Variants in NTRK2 observed in about 807,000 individuals in gnomAD.
The protein encoded by NTRK2 is BDNF/NT-3 growth factors receptor.
NTRK2 carries 13 observed loss-of-function variants against 94.5 expected under a neutral mutation model. That is an observed-to-expected ratio of 0.14 (90% confidence interval 0.09 to 0.22). The LOEUF (loss-of-function observed/expected upper bound fraction) is 0.22. NTRK2 is among the 10% of genes least tolerant of loss of function. The pLI is 1.00. For missense variants in NTRK2, 639 were observed against 1,071.2 expected, an observed-to-expected ratio of 0.60 and a Z score of 5.63; for synonymous variants, 372 against 407.4, an observed-to-expected ratio of 0.91 and a Z score of 1.05.
intron 12 of NTRK2, among the ~76,000 whole-genome samples, chr9:84,847,281 G>T (rs2074518596): frequency 6.6e-6 from 1 of 152,154 alleles, no homozygotes; most frequent in African/African-American, 2.4e-5. Context: ...CTGGCCTCTG[G>T]GGATGCAGAA....
chr9:84,688,777 C>CA (rs1466961077), intron 2 of NTRK2, among the ~76,000 whole-genome samples: 1 of 152,230 alleles, frequency 6.6e-6, no homozygotes, highest in African/African-American at 2.4e-5. Context: ...TTCCTTTCCT[C>CA]ACGATGTCTT....
intron 14 of NTRK2, among the ~76,000 whole-genome samples, chr9:84,918,852 C>T (rs1203216337): frequency 1.3e-5 from 2 of 152,194 alleles, no homozygotes; most frequent in Non-Finnish European, 2.9e-5. Flanking sequence ...ATTAATGCAA[C>T]AACCTTCTAG....
chr9:84,721,232 A>G (rs1049296968), intron 6 of NTRK2, among the ~76,000 whole-genome samples: 7 of 151,658 alleles, frequency 4.6e-5, no homozygotes, highest in African/African-American at 9.7e-5. Flanking sequence ...CTGAAGTGCA[A>G]TGGCGCGAGC....
Position 84,999,118 on chromosome 9 carries a change from T to C in NTRK2, c.2173-21088T>C, listed in dbSNP as rs894655545. Reference sequence around the variant, plus strand: ...CACTTATGTCACTTATGTATATGCATAGGAGGATGAGGTTAAACACCAAGC... The same window carrying C: ...CACTTATGTCACTTATGTATATGCACAGGAGGATGAGGTTAAACACCAAGC... On this transcript the variant is annotated intron_variant, in intron 17 of 18. Coordinates refer to ENST00000277120, the MANE Select transcript of NTRK2 (RefSeq NM_006180.6). Among the ~76,000 whole-genome samples the C allele has an allele frequency of 2.6e-5, 4 of 152,204 alleles. No individual in the cohort carries two copies. The East Asian group carries it at 5.8e-4, about 22-fold the overall frequency.
rs1264047338 is a variant in NTRK2 at position 85,004,092 on chromosome 9, A to AAGGAAGGG, written c.2173-16095_2173-16088dup. Among the ~76,000 whole-genome samples, 9 of 142,330 alleles carry AAGGAAGGG rather than the reference A, an allele frequency of 6.3e-5. 1 individual carries two copies. Among genetic ancestry groups the AAGGAAGGG allele is most frequent in the African/African-American group, 2.3e-4 (9 of 38,558 alleles). 93.4% of individuals were successfully genotyped at this position (142,330 alleles called of 152,430 possible). On this transcript the variant is annotated intron_variant, in intron 17 of 18. Transcript: ENST00000277120. ...AGAGAGAGAGGAAGAGGGAGAGAGA[A>AAGGAAGGG]AGGAAGGGAGGAAGGGAGGAAGGGA...
chr9:84,717,083 T>C (rs2061753865), intron 6 of NTRK2, among the ~76,000 whole-genome samples: 1 of 152,140 alleles, frequency 6.6e-6, no homozygotes, highest in Non-Finnish European at 1.5e-5. Flanking sequence ...AATTAAGAGA[T>C]AGGTCAAGTG....
intron 12 of NTRK2, among the ~76,000 whole-genome samples, chr9:84,766,637 A>C (rs971721058): frequency 1.3e-5 from 2 of 151,410 alleles, no homozygotes; most frequent in Non-Finnish European, 3.0e-5. Context: ...TGAGAGGAGA[A>C]TCCACCCCTC....
At chr9:84,681,343 T>C (rs1177698661) in intron 2 of NTRK2, among the ~76,000 whole-genome samples, 1 of 152,194 alleles carries the variant, frequency 6.6e-6, no homozygotes, top group Non-Finnish European at 1.5e-5. Context: ...TGACTCTTCC[T>C]TCTCTGTAAC....
At chr9:85,004,030 A>T in intron 17 of NTRK2, among the ~76,000 whole-genome samples, 1 of 23,168 alleles carries the variant, frequency 4.3e-5, no homozygotes, top group Non-Finnish European at 9.7e-5. Context: ...AGAAAGAAAG[A>T]AAGAGAGAAA....
At chr9:84,975,908 A>G (rs150565080) in intron 17 of NTRK2, among the ~76,000 whole-genome samples, 3 of 152,150 alleles carry the variant, frequency 2.0e-5, no homozygotes, top group Non-Finnish European at 4.4e-5. Flanking sequence ...AAAGGATAGC[A>G]TAGGTCCCTA....
At chr9:84,765,244 G>A (rs1289039632) in intron 12 of NTRK2, among the ~76,000 whole-genome samples, 1 of 152,112 alleles carries the variant, frequency 6.6e-6, no homozygotes, top group South Asian at 2.1e-4. Context: ...TGCTTGAGGG[G>A]ATAAATACCC....
chr9:84,930,472 C>T (rs888444468), intron 14 of NTRK2, among the ~76,000 whole-genome samples: 6 of 151,888 alleles, frequency 4.0e-5, no homozygotes, highest in Admixed American at 2.0e-4. Flanking sequence ...GGCTCTAGCA[C>T]GAGGGAGAGG....
At position 84,860,599 on chromosome 9, in the gene NTRK2, G is replaced by A. The variant is rs78934541; in HGVS notation, c.1397-441G>A. 4.6e-3 allele frequency among the ~76,000 whole-genome samples: 705 copies of A among 152,166 alleles called. 13 individuals carry two copies. The highest frequency in any genetic ancestry group is 0.038 in the Admixed American group (573 of 15,270). On this transcript the variant is annotated intron_variant, in intron 12 of 18. Transcript: ENST00000277120. ...TCCCACATTGCTGCGGTTCAGAACC[G>A]TAGTGCATTTGTCAAATGCATTGTG...
chr9:84,923,903 C>CA lies in NTRK2; in HGVS notation c.1634-10248dup, dbSNP rs112673384. On this transcript the variant is annotated intron_variant, in intron 14 of 18. Coordinates refer to ENST00000277120, the MANE Select transcript of NTRK2 (RefSeq NM_006180.6). ...CGACAGAGTGAGTGAGACTCCATCT[C>CA]AAAAAAAAAAACAACAAAAACAAAC... 1.6e-3 allele frequency among the ~76,000 whole-genome samples: 215 copies of CA among 133,662 alleles called. 2 individuals are homozygous for CA. The highest frequency in any genetic ancestry group is 9.1e-3 in the South Asian group (38 of 4,174). 87.7% of individuals were successfully genotyped at this position (133,662 alleles called of 152,430 possible).
intron 17 of NTRK2, among the ~76,000 whole-genome samples, chr9:84,992,391 A>C (rs564107806): frequency 1.3e-5 from 2 of 152,106 alleles, no homozygotes; most frequent in Non-Finnish European, 2.9e-5. Flanking sequence ...CAGAGGTTGG[A>C]TGTTCTCGGG....
chr9:84,727,612 C>G (rs2132076999), intron 8 of NTRK2, 42 bp from the exon 9 acceptor site: 2 of 1,590,576 alleles, frequency 1.3e-6, no homozygotes, highest in South Asian at 2.2e-5. Flanking sequence ...GGGGAGAATT[C>G]TGAGCTTTCT....
At chr9:84,794,198 T>C (rs906022632) in intron 12 of NTRK2, among the ~76,000 whole-genome samples, 1 of 152,186 alleles carries the variant, frequency 6.6e-6, no homozygotes, top group African/African-American at 2.4e-5. Context: ...ACGAACCACA[T>C]GTTCAGAGAG....
chr9:84,952,515 C>T (rs1298745652), intron 16 of NTRK2, among the ~76,000 whole-genome samples: 3 of 152,172 alleles, frequency 2.0e-5, no homozygotes, highest in African/African-American at 7.2e-5. Context: ...ATTTCTAAGA[C>T]TTCACGAGGA....
At chr9:85,011,015 G>A (rs1262609202) in intron 17 of NTRK2, among the ~76,000 whole-genome samples, 1 of 152,094 alleles carries the variant, frequency 6.6e-6, no homozygotes, top group East Asian at 1.9e-4. Context: ...GAGTGTCAGG[G>A]TCTCCTCATT....
Sources: gnomAD v4.1 joint callset for allele counts (sites outside exome capture counted in the v4.1 genomes callset) on GRCh38, gnomAD v4.1.1 for gene constraint, MANE v1.5 for transcripts, NCBI Gene and HGNC (gene_info 2026-07-23, HGNC 2026-07-21) for gene names.